KCNIP4: variants seen among roughly 807,000 people sequenced by gnomAD.
KCNIP4 encodes potassium voltage-gated channel interacting protein 4.
In KCNIP4, 12 loss-of-function variants were observed where a neutral mutation model predicts 34.0. The observed-to-expected ratio is 0.35, with a 90% confidence interval of 0.23 to 0.57. KCNIP4 has a LOEUF of 0.57. Ranked by LOEUF, KCNIP4 falls within the 20% of genes least tolerant of loss-of-function variation. The pLI is 0.83. For synonymous variants in KCNIP4, 124 were observed against 102.2 expected, an observed-to-expected ratio of 1.21 and a Z score of -1.29; for missense variants, 238 against 311.7, an observed-to-expected ratio of 0.76 and a Z score of 1.78.
At chr4:21,425,379 T>C (rs1476806366) in intron 1 of KCNIP4, among the ~76,000 whole-genome samples, 2 of 152,156 alleles carry the variant, frequency 1.3e-5, no homozygotes, top group African/African-American at 2.4e-5. Context: ...AACACTATAG[T>C]ATTTTTTATA....
intron 1 of KCNIP4, among the ~76,000 whole-genome samples, chr4:21,151,738 T>A (rs1752773579): frequency 1.3e-5 from 2 of 152,164 alleles, no homozygotes; most frequent in Admixed American, 1.3e-4. Context: ...CTTGTATCAC[T>A]GCTTTTTCTT....
chr4:21,816,959 A>T (rs1400307238), intron 1 of KCNIP4, among the ~76,000 whole-genome samples: 1 of 152,176 alleles, frequency 6.6e-6, no homozygotes, highest in Non-Finnish European at 1.5e-5. Flanking sequence ...AGCTGTTGTG[A>T]GAATTAATTA....
intron 1 of KCNIP4, among the ~76,000 whole-genome samples, chr4:21,041,708 A>G (rs1269193949): frequency 6.6e-6 from 1 of 152,240 alleles, no homozygotes; most frequent in Non-Finnish European, 1.5e-5. Context: ...ACAAGAAACT[A>G]AACTTTTTCG....
chr4:21,156,763 T>G (rs1753171065), intron 1 of KCNIP4, among the ~76,000 whole-genome samples: 1 of 152,104 alleles, frequency 6.6e-6, no homozygotes, highest in South Asian at 2.1e-4. Context: ...TTTGTAAAAG[T>G]GGTGATACTG....
At chr4:21,339,352 A>G (rs1285718762) in intron 1 of KCNIP4, among the ~76,000 whole-genome samples, 1 of 152,240 alleles carries the variant, frequency 6.6e-6, no homozygotes. Context: ...TCATAGAATG[A>G]CAGGTGGAAT....
intron 1 of KCNIP4, among the ~76,000 whole-genome samples, chr4:21,394,070 T>A (rs1722770221): frequency 6.6e-6 from 1 of 152,210 alleles, no homozygotes. Context: ...TACTTTTTTG[T>A]TAATCTACTG....
chr4:21,788,744 C>T (rs1720074001), intron 1 of KCNIP4, among the ~76,000 whole-genome samples: 1 of 152,068 alleles, frequency 6.6e-6, no homozygotes, highest in Non-Finnish European at 1.5e-5. Context: ...CACAACAACC[C>T]ATTAAGTAGA....
At chr4:21,814,010 G>T (rs1346660231) in intron 1 of KCNIP4, among the ~76,000 whole-genome samples, 1 of 152,090 alleles carries the variant, frequency 6.6e-6, no homozygotes, top group Non-Finnish European at 1.5e-5. Flanking sequence ...TGCTTTACAT[G>T]AAGCATTTCA....
intron 1 of KCNIP4, among the ~76,000 whole-genome samples, chr4:21,937,017 T>G (rs2109015021): frequency 6.6e-6 from 1 of 152,212 alleles, no homozygotes; most frequent in South Asian, 2.1e-4. Flanking sequence ...TTTCTGCAAC[T>G]AATTCCCAAA....
intron 1 of KCNIP4, among the ~76,000 whole-genome samples, chr4:21,569,914 GT>G (rs991714756): frequency 2.6e-5 from 4 of 152,016 alleles, no homozygotes; most frequent in African/African-American, 7.2e-5. Context: ...GGGCCTGGCT[GT>G]TTTTTTACAC....
At chr4:21,103,294 A>G (rs1748117391) in intron 1 of KCNIP4, among the ~76,000 whole-genome samples, 1 of 146,960 alleles carries the variant, frequency 6.8e-6, no homozygotes, top group South Asian at 2.1e-4. Context: ...ACATGACATT[A>G]TATATATAAC....
At chr4:21,260,295 TA>T (rs1479198497) in intron 1 of KCNIP4, among the ~76,000 whole-genome samples, 1 of 152,174 alleles carries the variant, frequency 6.6e-6, no homozygotes, top group Non-Finnish European at 1.5e-5. Flanking sequence ...AACTATTAGA[TA>T]AAAATTATAT....
At chr4:21,299,628 G>A (rs547334794) in intron 1 of KCNIP4, among the ~76,000 whole-genome samples, 8 of 152,264 alleles carry the variant, frequency 5.3e-5, no homozygotes, top group African/African-American at 1.9e-4. Flanking sequence ...CAGAATGCTG[G>A]GAGAATTAGA....
rs540740335 is a variant in KCNIP4, at chr4:21,500,358, T to C, written c.61+448213A>G. 1.4e-4 allele frequency among the ~76,000 whole-genome samples: 22 copies of C among 152,250 alleles called. No individual in the cohort carries two copies. The South Asian group carries it at 4.6e-3, about 32-fold the overall frequency. On this transcript the variant is annotated intron_variant, in intron 1 of 8. Transcript: ENST00000382152. ...ATTTGGGAGTCAAATGGCCTGGGTCTTAGTTTCTGAAATTTACTACTCATT... is the reference window on the plus strand; with the variant it reads ...ATTTGGGAGTCAAATGGCCTGGGTCCTAGTTTCTGAAATTTACTACTCATT...
rs183530174 is a variant in KCNIP4, at chr4:20,935,025, C to T, written c.62-52316G>A. ...CCTCCATCTTCACATGGCCTTCATT[C>T]CTGTGTATGTCCACCTTTCCATGTC... On this transcript the variant is annotated intron_variant, in intron 1 of 8. Transcript: ENST00000382152. Among the ~76,000 whole-genome samples, 408 of 152,280 alleles carry T rather than the reference C, an allele frequency of 2.7e-3. 3 individuals are homozygous for T. Among genetic ancestry groups the T allele is most frequent in the Non-Finnish European group, 4.0e-3 (271 of 68,022 alleles).
At chr4:21,564,877 T>C (rs1739726699) in intron 1 of KCNIP4, among the ~76,000 whole-genome samples, 1 of 152,008 alleles carries the variant, frequency 6.6e-6, no homozygotes, top group African/African-American at 2.4e-5. Context: ...TTAAGGGAAC[T>C]AGCAGAGGGA....
intron 1 of KCNIP4, among the ~76,000 whole-genome samples, chr4:21,518,911 T>C (rs1051813873): frequency 2.0e-5 from 3 of 152,138 alleles, no homozygotes; most frequent in Admixed American, 6.5e-5. Flanking sequence ...AAGAGTTGAC[T>C]GCCTCTTATG....
chr4:20,831,399 G>C (rs549449972), intron 3 of KCNIP4, among the ~76,000 whole-genome samples: 1 of 152,202 alleles, frequency 6.6e-6, no homozygotes, highest in South Asian at 2.1e-4. Flanking sequence ...TCCTCCCCAA[G>C]TCTCTGGCAC....
At chr4:21,046,777 G>A (rs1320020368) in intron 1 of KCNIP4, among the ~76,000 whole-genome samples, 1 of 152,104 alleles carries the variant, frequency 6.6e-6, no homozygotes, top group Non-Finnish European at 1.5e-5. Flanking sequence ...TTTTAGTAGA[G>A]ATGGGGTTTC....
Sources: gnomAD v4.1 joint callset for allele counts (sites outside exome capture counted in the v4.1 genomes callset) on GRCh38, gnomAD v4.1.1 for gene constraint, MANE v1.5 for transcripts, NCBI Gene and HGNC (gene_info 2026-07-23, HGNC 2026-07-21) for gene names.